Variants in VPS35L observed in about 807,000 individuals in gnomAD.
VPS35L encodes the protein VPS35 endosomal protein-sorting factor-like.
Under a neutral mutation model 133.0 loss-of-function variants are expected in VPS35L, and 83 were observed. The observed-to-expected ratio is 0.62, with a 90% confidence interval of 0.52 to 0.75. The LOEUF is 0.75. Among genes scored for constraint, VPS35L ranks in the 30% least tolerant of loss-of-function variants. The pLI is 0.00. For synonymous variants in VPS35L, 423 were observed against 449.9 expected (o/e 0.94, Z 0.76); for missense variants, 1,083 against 1,206.8 (o/e 0.90, Z 1.52).
chr16:19,642,402 A>C lies in VPS35L; in HGVS notation c.1791A>C (p.Gln597His). ...ATCTTTAAATGTCTCCTAGGCATCA[A>C]CAAGAGCCCACCAAGGACCCGGTCA... ...KCIMDAFIKH[Q>H]QEPTKDPVIL... Residue 597 changes from glutamine to histidine, a missense_variant, in exon 22 of 31, where the codon CAA becomes CAC. Transcript: ENST00000417362. 3 of 1,613,798 alleles carry C rather than the reference A, an allele frequency of 1.9e-6. No homozygotes were observed. Among genetic ancestry groups the C allele is most frequent in the Non-Finnish European group, 2.5e-6 (3 of 1,179,750 alleles).
intron 8 of VPS35L, among the ~76,000 whole-genome samples, chr16:19,601,402 G>C (rs921641063): frequency 2.0e-5 from 3 of 151,800 alleles, no homozygotes; most frequent in African/African-American, 7.2e-5. Context: ...TGAGTGGATG[G>C]AGATACTTGA....
rs756409479 is a variant in VPS35L, at chr16:19,628,804, T to TATTC, written c.1500+54_1500+55insCATT. 6.9e-6 allele frequency: 6 copies of TATTC among 869,946 alleles called. No homozygotes were observed. The South Asian group carries it at 2.1e-4, about 30-fold the overall frequency. 53.9% of individuals were successfully genotyped at this position (869,946 alleles called of 1,614,324 possible). A position where few individuals can be genotyped will look rare whatever the true frequency, so the allele number is the denominator to read the frequency against. On this transcript the variant is annotated intron_variant, in intron 17 of 30. Coordinates refer to ENST00000417362, the MANE Select transcript of VPS35L (RefSeq NM_020314.7). ...TTATTTATTTATTTATTTATTTATT[T>TATTC]ATTTTGAGATGAAGTCTTGCTCTGT...
chr16:19,662,410 A>G (rs1294527872), intron 26 of VPS35L, among the ~76,000 whole-genome samples: 1 of 152,112 alleles, frequency 6.6e-6, no homozygotes, highest in Non-Finnish European at 1.5e-5. Context: ...CCAGTGACGG[A>G]TAAAAGACTG....
intron 27 of VPS35L, among the ~76,000 whole-genome samples, chr16:19,670,463 A>G (rs1378765164): frequency 6.6e-6 from 1 of 152,224 alleles, no homozygotes; most frequent in Non-Finnish European, 1.5e-5. Context: ...AAATGAGGAT[A>G]AGAACTGTCA....
intron 14 of VPS35L, among the ~76,000 whole-genome samples, chr16:19,622,528 G>A (rs1973118679): frequency 6.6e-6 from 1 of 151,950 alleles, no homozygotes; most frequent in Non-Finnish European, 1.5e-5. Context: ...CTTGAGTTTG[G>A]TGTCTCACAA....
At chr16:19,601,745 G>T in intron 9 of VPS35L, 22 bp downstream of exon 9, 1 of 1,613,304 alleles carries the variant, frequency 6.2e-7, no homozygotes, top group Non-Finnish European at 8.5e-7. Flanking sequence ...GCTGTTCCTG[G>T]GGTGTCATTC....
chr16:19,604,402 G>C (rs962498835), intron 9 of VPS35L, among the ~76,000 whole-genome samples: 1 of 152,052 alleles, frequency 6.6e-6, no homozygotes, highest in African/African-American at 2.4e-5. Context: ...ATCAGTCCTC[G>C]TTTAGATACA....
chr16:19,630,651 G>T (rs1667491575), intron 18 of VPS35L, among the ~76,000 whole-genome samples: 1 of 152,054 alleles, frequency 6.6e-6, no homozygotes. Flanking sequence ...AAAAATTTAA[G>T]TGTGGCATTG....
At chr16:19,577,905 C>G (rs1454646306) in intron 5 of VPS35L, among the ~76,000 whole-genome samples, 3 of 152,210 alleles carry the variant, frequency 2.0e-5, no homozygotes, top group African/African-American at 7.2e-5. Flanking sequence ...ACTTCCCAGC[C>G]TTTAGGACTG....
At position 19,581,695 on chromosome 16, in the gene VPS35L, T is replaced by C. The variant is rs774430801; in HGVS notation, c.639+42T>C. 5.4e-6 allele frequency: 8 copies of C among 1,494,990 alleles called. No individual in the cohort carries two copies. The South Asian group carries it at 9.1e-5, about 17-fold the overall frequency. 92.6% of individuals were successfully genotyped at this position (1,494,990 alleles called of 1,614,324 possible). A position where few individuals can be genotyped will look rare whatever the true frequency, so the allele number is the denominator to read the frequency against. On this transcript the variant is annotated intron_variant, in intron 7 of 30. Transcript: ENST00000417362. Reference sequence around the variant, plus strand: ...CCCCACCCCCACCCAGAATTTCCTATGTAAAATTCCACTGTGAGACTTAGA... The same window carrying C: ...CCCCACCCCCACCCAGAATTTCCTACGTAAAATTCCACTGTGAGACTTAGA...
intron 17 of VPS35L, 61 bp from the exon 18 acceptor site, chr16:19,629,706 G>A (rs541840492): frequency 6.7e-7 from 1 of 1,484,900 alleles, no homozygotes; most frequent in Non-Finnish European, 9.4e-7. Flanking sequence ...GAAGCCTCCT[G>A]TTTGCTGTAA....
intron 18 of VPS35L, 31 bp downstream of exon 18, chr16:19,629,851 G>A: frequency 6.2e-7 from 1 of 1,600,468 alleles, no homozygotes; most frequent in Non-Finnish European, 8.6e-7. Context: ...GTTTTTGAAA[G>A]AATTAGATTT....
At position 19,647,824 on chromosome 16, in the gene VPS35L, A is replaced by T. The variant is rs1390911479; in HGVS notation, c.1970A>T (p.Tyr657Phe). 2 of 1,613,960 alleles carry T rather than the reference A, an allele frequency of 1.2e-6. No individual in the cohort carries two copies. Among genetic ancestry groups the T allele is most frequent in the African/African-American group, 1.3e-5 (1 of 74,892 alleles). The change falls in exon 24 of 31, where the codon TAT (tyrosine) becomes TTT (phenylalanine). Residue 657 changes from tyrosine (Y) to phenylalanine (F), a missense_variant. By Grantham distance (22) the Tyr-to-Phe change is conservative. Coordinates refer to ENST00000417362, the MANE Select transcript of VPS35L (RefSeq NM_020314.7). ...GATTTTGAACAACAGCTGAGTTTTT[A>T]TGTTGAGTCCAGGTCGATGTTTTGC... Reference protein sequence around the residue: ...GRDFEQQLSFYVESRSMFCNL... With the variant: ...GRDFEQQLSFFVESRSMFCNL...
Position 19,628,701 on chromosome 16 carries a change from T to C in VPS35L, c.1448T>C (p.Leu483Pro), listed in dbSNP as rs767425093. The C allele has an allele frequency of 6.3e-7, 1 of 1,599,732 alleles. No homozygotes were observed. The highest frequency in any genetic ancestry group is 1.1e-5 in the South Asian group (1 of 89,104). Residue 483 changes from leucine (L) to proline (P), a missense_variant, in exon 17 of 31, where the codon CTT (leucine) becomes CCT (proline). Leu to Pro is a moderately conservative substitution (Grantham distance 98, BLOSUM62 -3). Transcript: ENST00000417362. ...GCTGATCCTCCTGAGAGTGACCGACTTCAGATTCTCAACGAAGCTTGGAAA... is the reference window on the plus strand; with the variant it reads ...GCTGATCCTCCTGAGAGTGACCGACCTCAGATTCTCAACGAAGCTTGGAAA... Reference protein sequence around the residue: ...ALADPPESDRLQILNEAWKVI... With the variant: ...ALADPPESDRPQILNEAWKVI...
At chr16:19,590,718 G>A (rs1972017543) in intron 7 of VPS35L, among the ~76,000 whole-genome samples, 1 of 152,148 alleles carries the variant, frequency 6.6e-6, no homozygotes, top group Admixed American at 6.5e-5. Context: ...GGAGGCTGAG[G>A]TGGGAGGATT....
intron 12 of VPS35L, 41 bp from the exon 13 acceptor site, chr16:19,616,073 G>T: frequency 6.6e-7 from 1 of 1,512,654 alleles, no homozygotes; most frequent in Non-Finnish European, 9.2e-7. Flanking sequence ...TCATACTATA[G>T]TCATTATTTG....
At chr16:19,675,468 A>G (rs1489414782) in intron 27 of VPS35L, among the ~76,000 whole-genome samples, 1 of 151,984 alleles carries the variant, frequency 6.6e-6, no homozygotes, top group East Asian at 1.9e-4. Flanking sequence ...TCCTGATTTC[A>G]ATTTGTTTGG....
chr16:19,692,417 C>T (rs552941896), intron 29 of VPS35L, among the ~76,000 whole-genome samples: 42 of 152,266 alleles, frequency 2.8e-4, no homozygotes, highest in Admixed American at 1.0e-3. Context: ...GGGAGGGAAA[C>T]TGAGGCTCAG....
At chr16:19,561,712 A>G (rs750488220) in intron 1 of VPS35L, among the ~76,000 whole-genome samples, 17 of 152,144 alleles carry the variant, frequency 1.1e-4, no homozygotes, top group Non-Finnish European at 1.8e-4. Context: ...CTTTCCCTAA[A>G]GTGGGTTGGG....
Sources: gnomAD v4.1 joint callset for allele counts (sites outside exome capture counted in the v4.1 genomes callset) on GRCh38, gnomAD v4.1.1 for gene constraint, MANE v1.5 for transcripts, NCBI Gene and HGNC (gene_info 2026-07-23, HGNC 2026-07-21) for gene names.